Variants in WWC1 observed in about 807,000 individuals in gnomAD.
WWC1 encodes protein KIBRA.
A neutral mutation model predicts 138.4 loss-of-function variants in WWC1; 55 were observed. The ratio of observed to expected loss-of-function variants is 0.40; its 90% CI spans 0.32 to 0.50. WWC1 has a LOEUF of 0.50. Ranked by LOEUF, WWC1 falls within the 20% of genes least tolerant of loss-of-function variation. WWC1 has a pLI of 0.72. For synonymous variants in WWC1, 524 were observed against 564.9 expected (o/e 0.93, Z 1.03); for missense variants, 1,226 against 1,420.4 (o/e 0.86, Z 2.20).
intron 1 of WWC1, among the ~76,000 whole-genome samples, chr5:168,360,784 G>A (rs926691556): frequency 2.0e-5 from 3 of 152,222 alleles, no homozygotes; most frequent in African/African-American, 4.8e-5. Flanking sequence ...AAGTCTTCAC[G>A]GTCAATTCCA....
At chr5:168,338,221 G>A (rs1410435802) in intron 1 of WWC1, among the ~76,000 whole-genome samples, 2 of 151,158 alleles carry the variant, frequency 1.3e-5, no homozygotes, top group Admixed American at 6.6e-5. Context: ...TGAGGCAGGA[G>A]AATCACTGGA....
intron 1 of WWC1, among the ~76,000 whole-genome samples, chr5:168,350,689 C>CTCAT (rs1257664559): frequency 1.3e-5 from 2 of 152,200 alleles, no homozygotes; most frequent in Non-Finnish European, 2.9e-5. Flanking sequence ...TGATCATTCA[C>CTCAT]TCATTCATTC....
At chr5:168,413,111 A>G (rs576750188) in intron 8 of WWC1, among the ~76,000 whole-genome samples, 1 of 152,268 alleles carries the variant, frequency 6.6e-6, no homozygotes, top group East Asian at 1.9e-4. Context: ...TGCACGTAAG[A>G]TTGAACTGGG....
At chr5:168,468,124 G>C (rs1757452315) in intron 22 of WWC1, among the ~76,000 whole-genome samples, 160 bp downstream of exon 22, 1 of 152,186 alleles carries the variant, frequency 6.6e-6, no homozygotes, top group South Asian at 2.1e-4. Context: ...GGCGATCCAT[G>C]AGCTCTGCAG....
intron 15 of WWC1, among the ~76,000 whole-genome samples, chr5:168,439,454 G>A (rs576152769): frequency 5.5e-5 from 7 of 127,908 alleles, no homozygotes; most frequent in Non-Finnish European, 7.8e-5. Context: ...GAGAAACCCC[G>A]TCTCTACTAA....
intron 1 of WWC1, 56 bp from the exon 2 acceptor site, chr5:168,371,368 T>A: frequency 7.5e-7 from 1 of 1,339,084 alleles, no homozygotes; most frequent in South Asian, 1.2e-5. Flanking sequence ...AGCAGCAGGT[T>A]GCAGGCATTT....
At chr5:168,351,768 G>A (rs11740112) in intron 1 of WWC1, among the ~76,000 whole-genome samples, 64,271 of 152,030 alleles carry the variant, frequency 0.42, 16,451 homozygotes, top group South Asian at 0.59. Flanking sequence ...CAGTCCTGTC[G>A]CAGCCAGGCT....
intron 17 of WWC1, among the ~76,000 whole-genome samples, chr5:168,449,988 C>T (rs41402845): frequency 1.3e-5 from 2 of 152,134 alleles, no homozygotes; most frequent in Non-Finnish European, 2.9e-5. Flanking sequence ...TGCAGAGTTG[C>T]GAGTAGAGAT....
At chr5:168,370,501 G>A (rs1385852217) in intron 1 of WWC1, among the ~76,000 whole-genome samples, 1 of 152,184 alleles carries the variant, frequency 6.6e-6, no homozygotes, top group Non-Finnish European at 1.5e-5. Context: ...TTCCAGAATT[G>A]GGATTGGGTA....
chr5:168,432,430 A>G (rs968188534), intron 15 of WWC1, among the ~76,000 whole-genome samples: 2 of 152,234 alleles, frequency 1.3e-5, no homozygotes, highest in Non-Finnish European at 2.9e-5. Context: ...GGCAGACCCA[A>G]GTGCAGACAG....
chr5:168,314,344 G>T (rs2152751506), intron 1 of WWC1, among the ~76,000 whole-genome samples: 1 of 152,158 alleles, frequency 6.6e-6, no homozygotes, highest in African/African-American at 2.4e-5. Flanking sequence ...GAGGCGGGTG[G>T]ATCACCTGAG....
At chr5:168,314,577 A>G (rs1233499109) in intron 1 of WWC1, among the ~76,000 whole-genome samples, 2 of 150,876 alleles carry the variant, frequency 1.3e-5, no homozygotes, top group South Asian at 4.1e-4. Context: ...CAAAAAAAGA[A>G]AAAAAAAGGA....
intron 9 of WWC1, among the ~76,000 whole-genome samples, chr5:168,419,935 G>A (rs1780959037): frequency 1.3e-5 from 2 of 152,302 alleles, no homozygotes; most frequent in African/African-American, 4.8e-5. Flanking sequence ...ACTGAATTGG[G>A]CTTTGGTGTC....
chr5:168,385,261 C>T lies in WWC1; in HGVS notation c.280C>T (p.His94Tyr). The part of the protein sequence containing the change: ...PRVQWRREQE[H>Y]MLKDYLVVAQ... ...AGTACAATGGCGGCGGGAGCAGGAA[C>T]ATATGCTGAAGGATTACCTGGTGGT... Residue 94 changes from histidine (H) to tyrosine (Y), a missense_variant, in exon 3 of 23, where the codon CAT becomes TAT. Transcript: ENST00000265293. 1.9e-6 allele frequency: 3 copies of T among 1,614,158 alleles called. No homozygotes were observed. Among genetic ancestry groups the T allele is most frequent in the Non-Finnish European group, 2.5e-6 (3 of 1,180,028 alleles).
chr5:168,300,632 C>CT (rs1241601788), intron 1 of WWC1, among the ~76,000 whole-genome samples: 4 of 150,900 alleles, frequency 2.7e-5, no homozygotes, highest in East Asian at 3.9e-4. Context: ...CCTTTGTTGG[C>CT]TTTTTTTTTC....
intron 1 of WWC1, among the ~76,000 whole-genome samples, chr5:168,336,591 A>C (rs966212473): frequency 1.2e-4 from 18 of 151,230 alleles, no homozygotes; most frequent in East Asian, 9.7e-4. Context: ...AAAAAAAAAA[A>C]AAAACAATAC....
chr5:168,384,733 T>TTTG (rs1554101623), intron 2 of WWC1, among the ~76,000 whole-genome samples: 1,959 of 144,484 alleles, frequency 0.014, 64 homozygotes, highest in African/African-American at 0.044. Context: ...TTTTTTTTTT[T>TTTG]TTCAGACAGA....
chr5:168,468,101 C>T, intron 22 of WWC1, 137 bp downstream of exon 22: 4 of 1,403,494 alleles, frequency 2.9e-6, no homozygotes, highest in Non-Finnish European at 3.9e-6. Context: ...TCATCCTCCG[C>T]CAAGCCATCC....
At chr5:168,387,683 G>A (rs1778147859) in intron 3 of WWC1, among the ~76,000 whole-genome samples, 1 of 152,074 alleles carries the variant, frequency 6.6e-6, no homozygotes, top group Non-Finnish European at 1.5e-5. Context: ...TTTCTATTAG[G>A]GCACTAATCC....
Sources: allele counts gnomAD v4.1 joint callset (sites outside exome capture counted in the v4.1 genomes callset), GRCh38; gene constraint gnomAD v4.1.1; transcripts MANE v1.5; gene names NCBI Gene and HGNC (gene_info 2026-07-23, HGNC 2026-07-21).